Variants in CTBP2 observed in about 807,000 individuals in gnomAD.
CTBP2 encodes the protein C-terminal-binding protein 2.
A neutral mutation model predicts 80.3 loss-of-function variants in CTBP2; 30 were observed. That is an observed-to-expected ratio of 0.37 (90% CI 0.28 to 0.51). CTBP2 has a LOEUF of 0.51. CTBP2 is among the 20% of genes least tolerant of loss of function. The pLI is 0.93. For synonymous variants in CTBP2, 594 were observed against 587.4 expected (o/e 1.01, Z -0.16); for missense variants, 1,212 against 1,375.3 (o/e 0.88, Z 1.88).
intron 2 of CTBP2, among the ~76,000 whole-genome samples, chr10:125,070,078 C>A (rs1021201950): frequency 6.6e-6 from 1 of 151,654 alleles, no homozygotes; most frequent in South Asian, 2.1e-4. Flanking sequence ...CGGCTGGGCA[C>A]GGGTGGCTCA....
At chr10:125,069,294 G>C (rs922715977) in intron 2 of CTBP2, among the ~76,000 whole-genome samples, 1 of 152,118 alleles carries the variant, frequency 6.6e-6, no homozygotes, top group Non-Finnish European at 1.5e-5. Context: ...ACTTGTAAAC[G>C]CCCACAATGA....
At chr10:125,009,093 G>T (rs544249631) in intron 1 of CTBP2, among the ~76,000 whole-genome samples, 95 of 152,348 alleles carry the variant, frequency 6.2e-4, no homozygotes, top group African/African-American at 2.2e-3. Context: ...GGGTGGACGT[G>T]TCAGGTTATA....
In CTBP2 at chr10:125,044,872, C is replaced by T. The variant is rs564476627; in HGVS notation, c.-101-5717G>A. Among the ~76,000 whole-genome samples the T allele has an allele frequency of 2.6e-5, 4 of 152,246 alleles. No individual in the cohort carries two copies. In the South Asian group the frequency reaches 6.2e-4, roughly 24 times the overall value. ...GCCCAGCCTTTGATTAAATGGCAAC[C>T]GCAACACCACAATTAATAACAAAAT... is the stretch of plus-strand genomic sequence containing the variant. On this transcript the variant is annotated intron_variant, in intron 2 of 10. Coordinates refer to the CTBP2 transcript ENST00000337195.
At chr10:125,118,806 C>A (rs1853814397) in intron 1 of CTBP2, among the ~76,000 whole-genome samples, 1 of 152,244 alleles carries the variant, frequency 6.6e-6, no homozygotes, top group African/African-American at 2.4e-5. Flanking sequence ...AGGCGCGCAG[C>A]TCCGAAAGAC....
chr10:124,989,760 C>G, intron 8 of CTBP2, 62 bp from the exon 11 acceptor site: 2 of 1,452,286 alleles, frequency 1.4e-6, no homozygotes, highest in Non-Finnish European at 1.8e-6. Flanking sequence ...GCTCTTGGCT[C>G]TTCTACTTCT....
chr10:125,010,476 C>T (rs987918642), intron 1 of CTBP2, among the ~76,000 whole-genome samples: 18 of 152,196 alleles, frequency 1.2e-4, no homozygotes, highest in Admixed American at 7.9e-4. Flanking sequence ...TCACCTGACA[C>T]GCCCAACAGA....
At chr10:125,010,535 C>T (rs1186652678) in intron 1 of CTBP2, among the ~76,000 whole-genome samples, 2 of 152,238 alleles carry the variant, frequency 1.3e-5, no homozygotes, top group South Asian at 4.1e-4. Flanking sequence ...AATGCAAATG[C>T]GCAACCCTTA....
chr10:125,134,111 AG>A (rs1354106070), intron 1 of CTBP2, among the ~76,000 whole-genome samples: 3 of 152,216 alleles, frequency 2.0e-5, no homozygotes, highest in Non-Finnish European at 4.4e-5. Flanking sequence ...CTGGAGCGCT[AG>A]TTACTCGCTG....
intron 3 of CTBP2, among the ~76,000 whole-genome samples, chr10:125,002,526 G>A (rs903168017): frequency 6.6e-5 from 10 of 152,244 alleles, no homozygotes; most frequent in Non-Finnish European, 1.5e-4. Flanking sequence ...GGGAGGCCCA[G>A]GTTCCCATGT....
chr10:125,021,111 GA>G (rs2087121752), intron 1 of CTBP2, among the ~76,000 whole-genome samples: 1 of 152,182 alleles, frequency 6.6e-6, no homozygotes, highest in South Asian at 2.1e-4. Context: ...AGAGCTGGGG[GA>G]CAAGTTTGGC....
At chr10:125,060,163 C>A (rs764032185) in intron 2 of CTBP2, among the ~76,000 whole-genome samples, 6 of 152,180 alleles carry the variant, frequency 3.9e-5, no homozygotes, top group Non-Finnish European at 8.8e-5. Context: ...CTGATGTACA[C>A]AAGCATTCCC....
intron 1 of CTBP2, among the ~76,000 whole-genome samples, chr10:125,022,284 T>A (rs186826740): frequency 5.3e-5 from 8 of 152,334 alleles, no homozygotes; most frequent in Non-Finnish European, 4.4e-5. Context: ...ACAGGCCCCA[T>A]CTTGGTGCCT....
At position 124,994,680 on chromosome 10, in the gene CTBP2, C is replaced by T. The variant is rs201252751; in HGVS notation, c.2189G>A (p.Arg730His). The change falls in exon 5 of 9, where the codon CGC (arginine) becomes CAC (histidine). Residue 730 changes from arginine to histidine, a missense_variant. Coordinates refer to ENST00000309035, the MANE Select transcript of CTBP2 (RefSeq NM_022802.3). Reference sequence around the variant, plus strand: ...TCGAACTGCAACCGCCTGCCCCGTGCGACCTGTACAGAAACAGAGCGTCCA... The same window carrying T: ...TCGAACTGCAACCGCCTGCCCCGTGTGACCTGTACAGAAACAGAGCGTCCA... The T allele has an allele frequency of 2.4e-5, 39 of 1,614,192 alleles. No individual in the cohort carries two copies. Among genetic ancestry groups the T allele is most frequent in the Non-Finnish European group, 2.9e-5 (34 of 1,180,008 alleles).
At position 125,026,828 on chromosome 10, in the gene CTBP2, A is replaced by G; in HGVS notation, c.932T>C (p.Leu311Pro). ...GGCCGGGGAGTCAAAGCCCTGCTGC[A>G]GTAGGGCTCCCAGCGTGGCCTCTGC... The change falls in exon 1 of 9, where the codon CTG (leucine) becomes CCG (proline). Residue 311 changes from leucine (L) to proline (P), a missense_variant. Physicochemically the swap from Leu to Pro is moderately conservative, Grantham distance 98 (BLOSUM62 -3). Transcript: ENST00000309035. 1 of 1,613,500 alleles carries G rather than the reference A, an allele frequency of 6.2e-7. No individual in the cohort carries two copies. The highest frequency in any genetic ancestry group is 8.5e-7 in the Non-Finnish European group (1 of 1,179,974).
rs115116488 is a variant in CTBP2 at position 125,157,779 on chromosome 10, G to A, written c.-206+2540C>T. On this transcript the variant is annotated intron_variant, in intron 1 of 10. Transcript: ENST00000337195. Reference sequence around the variant, plus strand: ...TTTCATTAAAGGCAAGTGCATTCACGGCTAACATCCAACTTCAATGGCAAC... The same window carrying A: ...TTTCATTAAAGGCAAGTGCATTCACAGCTAACATCCAACTTCAATGGCAAC... 3.1e-3 allele frequency among the ~76,000 whole-genome samples: 470 copies of A among 152,276 alleles called. 1 individual carries two copies. The highest frequency in any genetic ancestry group is 0.014 in the Middle Eastern group (4 of 294).
chr10:125,139,125 A>T (rs1185037682), intron 1 of CTBP2, among the ~76,000 whole-genome samples: 1 of 152,060 alleles, frequency 6.6e-6, no homozygotes, highest in Non-Finnish European at 1.5e-5. Flanking sequence ...TAATCCCAGC[A>T]CTTTGGGAAG....
chr10:125,097,394 C>A (rs1244461426), intron 2 of CTBP2, among the ~76,000 whole-genome samples: 1 of 152,184 alleles, frequency 6.6e-6, no homozygotes, highest in Non-Finnish European at 1.5e-5. Flanking sequence ...ATTATCCCAA[C>A]ACCATTTCTA....
intron 2 of CTBP2, 67 bp downstream of exon 4, chr10:125,003,271 T>TG (rs1181556120): frequency 6.3e-7 from 1 of 1,590,638 alleles, no homozygotes; most frequent in East Asian, 2.2e-5. Flanking sequence ...GGCGATCTAA[T>TG]GGGGGGATGC....
chr10:125,052,858 T>C (rs766922677), intron 2 of CTBP2, among the ~76,000 whole-genome samples: 10 of 152,158 alleles, frequency 6.6e-5, no homozygotes, highest in Non-Finnish European at 1.5e-4. Flanking sequence ...ATCAACTCCA[T>C]TCATATGGCT....
Sources: allele counts gnomAD v4.1 joint callset (sites outside exome capture counted in the v4.1 genomes callset), GRCh38; gene constraint gnomAD v4.1.1; transcripts MANE v1.5; gene names NCBI Gene and HGNC (gene_info 2026-07-23, HGNC 2026-07-21).